TRIP12: variants seen among roughly 807,000 people sequenced by gnomAD.
TRIP12 encodes E3 ubiquitin-protein ligase TRIP12.
In TRIP12, 25 loss-of-function variants were observed where a neutral mutation model predicts 244.2. The ratio of observed to expected loss-of-function variants is 0.10; its 90% CI spans 0.07 to 0.14. The LOEUF is 0.14. TRIP12 is among the 10% of genes least tolerant of loss of function. The pLI, the probability that TRIP12 is intolerant of heterozygous loss-of-function variation, is 1.00. For synonymous variants in TRIP12, 905 were observed against 873.1 expected (o/e 1.04, Z -0.64); for missense variants, 1,677 against 2,486.4 (o/e 0.67, Z 6.92).
chr2:229,858,746 A>T, intron 4 of TRIP12, 26 bp downstream of exon 4: 1 of 1,537,244 alleles, frequency 6.5e-7, no homozygotes, highest in East Asian at 2.3e-5. Context: ...CTTTAATTAA[A>T]GAAAAATACC....
chr2:229,768,578 T>A, intron 41 of TRIP12, 38 bp downstream of exon 41: 3 of 1,593,584 alleles, frequency 1.9e-6, no homozygotes, highest in Middle Eastern at 1.7e-4. Flanking sequence ...AACCCACCCA[T>A]AGGTAGAATA....
Position 229,791,190 on chromosome 2 carries a change from T to C in TRIP12, c.4477A>G (p.Arg1493Gly). 6.2e-7 allele frequency: 1 copy of C among 1,614,144 alleles called. No individual in the cohort carries two copies. The highest frequency in any genetic ancestry group is 8.5e-7 in the Non-Finnish European group (1 of 1,179,988). The change falls in exon 30 of 42, where the codon AGA becomes GGA. Residue 1493 changes from arginine to glycine, a missense_variant. Physicochemically the swap from Arg to Gly is moderately radical, Grantham distance 125. Transcript: ENST00000675903. Reference sequence around the variant, plus strand: ...GTTTTCGTTGGAGCTGTTTGGGCTCTTCCTCTTTTACCACCAACACAATCT... The same window carrying C: ...GTTTTCGTTGGAGCTGTTTGGGCTCCTCCTCTTTTACCACCAACACAATCT... ...NKDCVGGKRG[R>G]AQTAPTKTSP...
rs60397605 is a variant in TRIP12 at position 229,917,380 on chromosome 2, C to CAAAAAAAAAAAAAA, written c.-50+4486_-50+4499dup. On this transcript the variant is annotated intron_variant, in intron 1 of 41. Transcript: ENST00000675903. ...TGGGCAACAGAGCGAGACTCTGTCT[C>CAAAAAAAAAAAAAA]AAAAAAAAAAAAAAAAAAAAAAAAA... is the stretch of plus-strand genomic sequence containing the variant. Among the ~76,000 whole-genome samples the CAAAAAAAAAAAAAA allele has an allele frequency of 1.1e-3, 32 of 29,262 alleles. 6 individuals are homozygous for CAAAAAAAAAAAAAA. Among genetic ancestry groups the CAAAAAAAAAAAAAA allele is most frequent in the East Asian group, 3.4e-3 (2 of 590 alleles). The allele number at this position is 29,262 out of a possible 152,430, so 19.2% of individuals were successfully genotyped here.
chr2:229,923,052 G>A (rs889261052), upstream of TRIP12: 8 of 160,030 alleles, frequency 5.0e-5, no homozygotes, highest in African/African-American at 1.2e-4. Flanking sequence ...ATTAATCATG[G>A]AGAATTTTAT....
chr2:229,882,459 G>T (rs2065068377), intron 1 of TRIP12, among the ~76,000 whole-genome samples: 1 of 151,970 alleles, frequency 6.6e-6, no homozygotes, highest in Admixed American at 6.6e-5. Flanking sequence ...CATTCTTTGG[G>T]CACAAAAATT....
intron 2 of TRIP12, among the ~76,000 whole-genome samples, chr2:229,868,069 A>G (rs1170493183): frequency 6.6e-6 from 1 of 152,220 alleles, no homozygotes; most frequent in Non-Finnish European, 1.5e-5. Flanking sequence ...GACTAGTTTC[A>G]GCATTACCAA....
At chr2:229,884,381 T>C (rs1274863236) in intron 1 of TRIP12, among the ~76,000 whole-genome samples, 1 of 151,456 alleles carries the variant, frequency 6.6e-6, no homozygotes, top group Admixed American at 6.6e-5. Flanking sequence ...GGATTACAGA[T>C]GCCTACCACC....
In TRIP12 at chr2:229,778,536, A is replaced by C; in HGVS notation, c.5261T>G (p.Leu1754Arg). Residue 1754 changes from leucine to arginine, a missense_variant, in exon 36 of 42, where the codon CTT (leucine) becomes CGT (arginine). Leu to Arg is a moderately radical substitution (Grantham distance 102). Transcript: ENST00000675903. This position sits in a 1 kb window ranked among gnomAD's most constrained non-coding sequence, Gnocchi z 4.1. ...YIQNLQGLFA[L>R]PFGRTAKPAH... ...TGGCTTTGCTGTCCTACCAAAGGGA[A>C]GCGCAAACAGGCCCTGGAGGTTTTG... 1 of 1,614,050 alleles carries C rather than the reference A, an allele frequency of 6.2e-7. No homozygotes were observed. The highest frequency in any genetic ancestry group is 8.5e-7 in the Non-Finnish European group (1 of 1,179,910).
In TRIP12 at chr2:229,788,910, T is replaced by C. The variant is rs2154256581; in HGVS notation, c.4726A>G (p.Ser1576Gly). ...GTTAACTTACTGTTAATAAATTCAC[T>C]AGTTGGAATAATTTCCTTGCACATT... ...NAMCKEIIPT[S>G]EFINSKLTAK... The change falls in exon 32 of 42, where the codon AGT becomes GGT. Residue 1576 changes from serine (S) to glycine (G), a missense_variant. Coordinates refer to ENST00000675903, the MANE Select transcript of TRIP12 (RefSeq NM_001348323.3). 6.2e-7 allele frequency: 1 copy of C among 1,613,240 alleles called. No homozygotes were observed. Among genetic ancestry groups the C allele is most frequent in the Non-Finnish European group, 8.5e-7 (1 of 1,179,566 alleles).
At chr2:229,826,310 T>C (rs1450793217) in intron 8 of TRIP12, among the ~76,000 whole-genome samples, 5 of 152,188 alleles carry the variant, frequency 3.3e-5, no homozygotes, top group Admixed American at 6.5e-5. Context: ...GACTTTTCAA[T>C]AGGCTTTCTT....
upstream of TRIP12, chr2:229,922,676 C>T (rs369209491): frequency 5.9e-6 from 9 of 1,537,630 alleles, no homozygotes; most frequent in African/African-American, 4.1e-5. Flanking sequence ...GCCCGGGACG[C>T]AGGCTGTGCT....
intron 1 of TRIP12, among the ~76,000 whole-genome samples, chr2:229,912,893 A>G (rs111728679): frequency 9.5e-4 from 145 of 152,262 alleles, no homozygotes; most frequent in African/African-American, 3.2e-3. Flanking sequence ...TTTTTGAGAC[A>G]GAGTCTCACT....
intron 6 of TRIP12, among the ~76,000 whole-genome samples, chr2:229,833,510 G>C (rs2053987045): frequency 6.6e-6 from 1 of 152,030 alleles, no homozygotes; most frequent in African/African-American, 2.4e-5. Context: ...GCTGATCTCA[G>C]ACTCCTGAAC....
chr2:229,839,014 A>G (rs1417320065), intron 5 of TRIP12, among the ~76,000 whole-genome samples: 1 of 152,194 alleles, frequency 6.6e-6, no homozygotes, highest in Non-Finnish European at 1.5e-5. Flanking sequence ...TCCCCCCTGC[A>G]TTACTAGTGT....
chr2:229,850,137 T>C (rs1340522415), intron 4 of TRIP12, among the ~76,000 whole-genome samples: 1 of 152,218 alleles, frequency 6.6e-6, no homozygotes, highest in Non-Finnish European at 1.5e-5. Flanking sequence ...TTTGGCTAAT[T>C]TAATTCTTAT....
intron 2 of TRIP12, among the ~76,000 whole-genome samples, chr2:229,873,940 A>G (rs1361370370): frequency 2.0e-5 from 3 of 152,110 alleles, no homozygotes; most frequent in Non-Finnish European, 4.4e-5. Context: ...GGTCCATAAC[A>G]AAGCTGAGGA....
chr2:229,791,171 G>T lies in TRIP12; in HGVS notation c.4496C>A (p.Thr1499Lys). 3 of 1,614,054 alleles carry T rather than the reference G, an allele frequency of 1.9e-6. No homozygotes were observed. Among genetic ancestry groups the T allele is most frequent in the South Asian group, 1.1e-5 (1 of 91,078 alleles). Reference protein sequence around the residue: ...GKRGRAQTAPTKTSPRNAKKH... With the variant: ...GKRGRAQTAPKKTSPRNAKKH... Reference sequence around the variant, plus strand: ...TTTTGCATTTCTAGGGGAAGTTTTCGTTGGAGCTGTTTGGGCTCTTCCTCT... The same window carrying T: ...TTTTGCATTTCTAGGGGAAGTTTTCTTTGGAGCTGTTTGGGCTCTTCCTCT... The change falls in exon 30 of 42, where the codon ACG becomes AAG. Residue 1499 changes from threonine (T) to lysine (K), a missense_variant. Thr to Lys is a moderately conservative substitution (Grantham distance 78, BLOSUM62 -1). Coordinates refer to ENST00000675903, the MANE Select transcript of TRIP12 (RefSeq NM_001348323.3).
intron 7 of TRIP12, among the ~76,000 whole-genome samples, 153 bp from the exon 8 acceptor site, chr2:229,829,441 G>C (rs1376509121): frequency 6.6e-6 from 1 of 152,144 alleles, no homozygotes; most frequent in African/African-American, 2.4e-5. Context: ...AAACTTTCAA[G>C]ACCACCCTAA....
chr2:229,814,816 T>C (rs866485747), intron 11 of TRIP12, among the ~76,000 whole-genome samples: 11 of 152,208 alleles, frequency 7.2e-5, no homozygotes, highest in Non-Finnish European at 1.3e-4. Flanking sequence ...GCTATCAACC[T>C]CACTGGCATG....
Sources: allele counts gnomAD v4.1 joint callset (sites outside exome capture counted in the v4.1 genomes callset), GRCh38; gene constraint gnomAD v4.1.1; non-coding constraint Gnocchi (gnomAD v3.1); transcripts MANE v1.5; gene names NCBI Gene and HGNC (gene_info 2026-07-23, HGNC 2026-07-21).